The following HIPK2 variants were observed in gnomAD, a reference collection of about 807,000 sequenced individuals.
HIPK2 encodes the protein homeodomain-interacting protein kinase 2.
HIPK2 carries 27 observed loss-of-function variants against 113.7 expected under a neutral mutation model. The observed-to-expected ratio is 0.24, with a 90% CI of 0.17 to 0.33. The LOEUF is 0.33. HIPK2 is among the 10% of genes least tolerant of loss of function. The pLI, the probability that HIPK2 is intolerant of heterozygous loss-of-function variation, is 1.00. For missense variants in HIPK2, 1,257 were observed against 1,588.0 expected (o/e 0.79, Z 3.54); for synonymous variants, 631 against 642.2 (o/e 0.98, Z 0.26).
At chr7:139,719,722 T>C (rs777591299) in intron 1 of HIPK2, among the ~76,000 whole-genome samples, 1 of 152,252 alleles carries the variant, frequency 6.6e-6, no homozygotes, top group East Asian at 1.9e-4. Flanking sequence ...TTTACATTCA[T>C]AGACAAGAAG....
chr7:139,682,563 C>T (rs950694493), intron 2 of HIPK2, among the ~76,000 whole-genome samples: 4 of 152,102 alleles, frequency 2.6e-5, no homozygotes, highest in African/African-American at 9.7e-5. Flanking sequence ...TGGGTGGGGC[C>T]GTAATGACTG....
At chr7:139,641,182 T>C (rs941142686) in intron 2 of HIPK2, among the ~76,000 whole-genome samples, 1 of 151,996 alleles carries the variant, frequency 6.6e-6, no homozygotes, top group Non-Finnish European at 1.5e-5. Flanking sequence ...CTGGTCAACA[T>C]GGCAAAACCC....
At chr7:139,717,632 G>A (rs757611273) in intron 1 of HIPK2, among the ~76,000 whole-genome samples, 5 of 152,186 alleles carry the variant, frequency 3.3e-5, no homozygotes, top group Non-Finnish European at 7.3e-5. Context: ...AGCCTTACTG[G>A]TGGGGACTGG....
intron 2 of HIPK2, among the ~76,000 whole-genome samples, chr7:139,693,624 C>T (rs1794477756): frequency 1.3e-5 from 2 of 151,890 alleles, no homozygotes; most frequent in African/African-American, 4.8e-5. Context: ...TTAGCAGATG[C>T]TTATTAAAAT....
rs78169149 is a variant in HIPK2, at chr7:139,712,835, G to C, written c.1103+3097C>G. ...GAGACTGTCCTCGAAAAATCGGATC[G>C]ATCTATATGGTGGCAAACCACTGCA... On this transcript the variant is annotated intron_variant, in intron 2 of 14. Transcript: ENST00000406875. Among the ~76,000 whole-genome samples, 3 of 152,190 alleles carry C rather than the reference G, an allele frequency of 2.0e-5. No individual in the cohort carries two copies. The South Asian group carries it at 6.2e-4, about 32-fold the overall frequency.
chr7:139,683,518 A>G lies in HIPK2; in HGVS notation c.1103+32414T>C, dbSNP rs973811557. Among the ~76,000 whole-genome samples the G allele has an allele frequency of 4.6e-5, 7 of 152,180 alleles. No individual in the cohort carries two copies. Among genetic ancestry groups the G allele is most frequent in the Non-Finnish European group, 7.4e-5 (5 of 68,018 alleles). On this transcript the variant is annotated intron_variant, in intron 2 of 14. Transcript: ENST00000406875. This position sits in a 1 kb window ranked among gnomAD's most constrained non-coding sequence, Gnocchi z 4.2. ...AAATACCAGAGAGAGAGACACACGCATACCAAGACAGAAGCTGCAGAACCT... is the reference window on the plus strand; with the variant it reads ...AAATACCAGAGAGAGAGACACACGCGTACCAAGACAGAAGCTGCAGAACCT...
chr7:139,613,382 G>A lies in HIPK2; in HGVS notation c.1991-59C>T, dbSNP rs1799907603. On this transcript the variant is annotated intron_variant, in intron 8 of 14. Coordinates refer to ENST00000406875, the MANE Select transcript of HIPK2 (RefSeq NM_022740.5). This position sits in a 1 kb window ranked among gnomAD's most constrained non-coding sequence, Gnocchi z 4.2. ...GCTGAGACGCTGTGAACAGCTGGAT[G>A]AAAAGAACCTTCCTGGGCAGTTATG... 2 of 1,591,128 alleles carry A rather than the reference G, an allele frequency of 1.3e-6. No homozygotes were observed. Among genetic ancestry groups the A allele is most frequent in the Non-Finnish European group, 1.7e-6 (2 of 1,168,286 alleles).
At chr7:139,766,136 G>A (rs149932570) in intron 1 of HIPK2, among the ~76,000 whole-genome samples, 2 of 152,162 alleles carry the variant, frequency 1.3e-5, no homozygotes, top group African/African-American at 2.4e-5. Context: ...GCCTGGAGTC[G>A]ATCCCATCTC....
intron 6 of HIPK2, among the ~76,000 whole-genome samples, chr7:139,623,067 C>G (rs115301729): frequency 6.6e-6 from 1 of 152,180 alleles, no homozygotes; most frequent in African/African-American, 2.4e-5. Context: ...GTCTCCTATC[C>G]GTAGCTGTTT....
chr7:139,734,170 T>C (rs1211024271), intron 1 of HIPK2, among the ~76,000 whole-genome samples: 1 of 152,172 alleles, frequency 6.6e-6, no homozygotes, highest in Admixed American at 6.5e-5. Context: ...AATTCCGAAA[T>C]AGTTCAGTCC....
At chr7:139,750,679 T>C (rs1569484696) in intron 1 of HIPK2, among the ~76,000 whole-genome samples, 1 of 152,220 alleles carries the variant, frequency 6.6e-6, no homozygotes, top group Non-Finnish European at 1.5e-5. Flanking sequence ...TGCATTTTCA[T>C]GTTAGGCCTT....
chr7:139,739,856 C>A (rs867493496), intron 1 of HIPK2, among the ~76,000 whole-genome samples: 47 of 152,308 alleles, frequency 3.1e-4, no homozygotes, highest in African/African-American at 1.1e-3. Flanking sequence ...ATAAAATTTT[C>A]AAGGTTTACT....
chr7:139,744,603 A>T (rs1267681774), intron 1 of HIPK2, among the ~76,000 whole-genome samples: 6 of 152,258 alleles, frequency 3.9e-5, no homozygotes, highest in African/African-American at 1.4e-4. Context: ...TTTTAAAAAT[A>T]GTCACAAAAG....
In HIPK2 at chr7:139,637,116, C is replaced by T. The variant is rs567409433; in HGVS notation, c.1104-5391G>A. Among the ~76,000 whole-genome samples, 7 of 152,364 alleles carry T rather than the reference C, an allele frequency of 4.6e-5. No individual in the cohort carries two copies. The South Asian group carries it at 1.4e-3, about 32-fold the overall frequency. ...CAAAGTCTCAAGTCAGCCCCTGATT[C>T]TCCATCCCCCCTGCCGCAGCAGTGG... On this transcript the variant is annotated intron_variant, in intron 2 of 14. Transcript: ENST00000406875.
chr7:139,715,363 G>A (rs1282368948), intron 2 of HIPK2, among the ~76,000 whole-genome samples: 1 of 152,130 alleles, frequency 6.6e-6, no homozygotes, highest in East Asian at 1.9e-4. Flanking sequence ...TTCTGCACGT[G>A]GATAGACAAG....
At position 139,601,949 on chromosome 7, in the gene HIPK2, C is replaced by CTTTT. The variant is rs1053542551; in HGVS notation, c.2256-1357_2256-1354dup. On this transcript the variant is annotated intron_variant, in intron 10 of 14. Coordinates refer to ENST00000406875, the MANE Select transcript of HIPK2 (RefSeq NM_022740.5). ...ACTTTAGAAACTCATATTATGGCTT[C>CTTTT]TTTTTTTTTTTTTTTTTTTTTGAGA... Among the ~76,000 whole-genome samples the CTTTT allele has an allele frequency of 1.2e-3, 141 of 116,296 alleles. 1 individual carries two copies. Among genetic ancestry groups the CTTTT allele is most frequent in the Non-Finnish European group, 1.5e-3 (86 of 55,940 alleles). The allele number at this position is 116,296 out of a possible 152,430, so 76.3% of individuals were successfully genotyped here.
intron 2 of HIPK2, among the ~76,000 whole-genome samples, chr7:139,668,337 G>A (rs1461908612): frequency 6.6e-6 from 1 of 152,056 alleles, no homozygotes; most frequent in Admixed American, 6.6e-5. Context: ...CGAGGTGGGT[G>A]GATCACGAGG....
chr7:139,660,122 A>G (rs1454664746), intron 2 of HIPK2, among the ~76,000 whole-genome samples: 1 of 152,226 alleles, frequency 6.6e-6, no homozygotes, highest in Admixed American at 6.5e-5. Context: ...CCATAGTTTG[A>G]GAAGCTCATA....
At chr7:139,615,230 C>T (rs12537363) in intron 7 of HIPK2, among the ~76,000 whole-genome samples, 38,309 of 152,138 alleles carry the variant, frequency 0.25, 6,890 homozygotes, top group African/African-American at 0.52. Context: ...GTACTGTTTA[C>T]AGATGTCCTT....
Sources: gnomAD v4.1 joint callset for allele counts (sites outside exome capture counted in the v4.1 genomes callset) on GRCh38, gnomAD v4.1.1 for gene constraint, Gnocchi (gnomAD v3.1) non-coding constraint, MANE v1.5 for transcripts, NCBI Gene and HGNC (gene_info 2026-07-23, HGNC 2026-07-21) for gene names.